SSH1: variants seen among roughly 807,000 people sequenced by gnomAD.
SSH1 encodes the protein slingshot protein phosphatase 1.
SSH1 carries 43 observed loss-of-function variants against 79.7 expected under a neutral mutation model. The observed-to-expected ratio is 0.54, with a 90% confidence interval of 0.42 to 0.70. The LOEUF is 0.70. SSH1 is among the 30% of genes least tolerant of loss of function. The probability of loss-of-function intolerance (pLI) is 0.00; values close to 1 mark genes in which losing one functional copy is unlikely to be tolerated. For synonymous variants in SSH1, 599 were observed against 538.3 expected, an observed-to-expected ratio of 1.11 and a Z score of -1.56; for missense variants, 1,206 against 1,358.8, an observed-to-expected ratio of 0.89 and a Z score of 1.77.
chr12:108,792,811 C>T lies in SSH1; in HGVS notation c.1368G>A (p.Lys456=). Residue 456 remains lysine, a synonymous_variant, in exon 14 of 15, where the codon AAG becomes AAA. Transcript: ENST00000326495. ...ILDASKQRHN[K]LWRQQTDSSL... ...TGCTGTCTGTCTGCTGACGCCACAG[C>T]TTGTTGTGCCGCTGTTTGCTGCGGG... is the stretch of plus-strand genomic sequence containing the variant. 1 of 1,613,644 alleles carries T rather than the reference C, an allele frequency of 6.2e-7. No individual in the cohort carries two copies. The highest frequency in any genetic ancestry group is 8.5e-7 in the Non-Finnish European group (1 of 1,180,028).
rs375673898 is a variant in SSH1 at position 108,788,007 on chromosome 12, G to A, written c.3131C>T (p.Ser1044Leu). The change falls in exon 15 of 15, where the codon TCG becomes TTG. Residue 1044 changes from serine to leucine, a missense_variant. Ser to Leu is a moderately radical substitution (Grantham distance 145). Around this residue, in one of 5 missense-constraint regions of SSH1, gnomAD observed 709 missense variants for 730.6 expected, o/e 0.97. Transcript: ENST00000326495. ...KPAPENLKSP[S>L]WMSKS Reference sequence around the variant, plus strand: ...GGCGGGTCAGCTTTTGCTCATCCACGAAGGGCTCTTTAAGTTTTCTGGGGC... The same window carrying A: ...GGCGGGTCAGCTTTTGCTCATCCACAAAGGGCTCTTTAAGTTTTCTGGGGC... The A allele has an allele frequency of 1.7e-5, 28 of 1,614,014 alleles. No individual in the cohort carries two copies. The highest frequency in any genetic ancestry group is 9.3e-5 in the African/African-American group (7 of 74,894).
intron 2 of SSH1, among the ~76,000 whole-genome samples, chr12:108,835,139 C>A (rs2038568977): frequency 6.6e-6 from 1 of 152,188 alleles, no homozygotes; most frequent in Non-Finnish European, 1.5e-5. Context: ...GTCTCAGGAT[C>A]CCTCTCAGTG....
Position 108,784,777 on chromosome 12 carries a change from A to G in SSH1, c.*3211T>C, listed in dbSNP as rs2036226055. The G allele has an allele frequency of 6.6e-6, 1 of 152,218 alleles. No individual in the cohort carries two copies. The highest frequency in any genetic ancestry group is 1.9e-4 in the East Asian group (1 of 5,202). The allele number at this position is 152,218 out of a possible 1,614,324, so 9.4% of individuals were successfully genotyped here. A position where few individuals can be genotyped will look rare whatever the true frequency, so the allele number is the denominator to read the frequency against. On this transcript the variant is annotated 3_prime_UTR_variant, in exon 15 of 15. Coordinates refer to ENST00000326495, the MANE Select transcript of SSH1 (RefSeq NM_018984.4). ...GTCTAACTTTTGGCATGCCACATGA[A>G]TTAATGTGAGGCAGAAGATAAGATT...
intron 8 of SSH1, 53 bp from the exon 9 acceptor site, chr12:108,806,447 G>T: frequency 4.6e-6 from 7 of 1,526,996 alleles, no homozygotes; most frequent in Non-Finnish European, 6.4e-6. Context: ...GCTTGTGGTC[G>T]GAGGTTACAG....
chr12:108,848,274 C>T (rs2038945387), intron 2 of SSH1, among the ~76,000 whole-genome samples: 1 of 152,006 alleles, frequency 6.6e-6, no homozygotes, highest in Admixed American at 6.5e-5. Context: ...GCAGGTGGCT[C>T]GGAAGACCCG....
rs2036384109 is a variant in SSH1 at position 108,788,919 on chromosome 12, A to C, written c.2219T>G (p.Leu740Arg). The change falls in exon 15 of 15, where the codon CTT (leucine) becomes CGT (arginine). Residue 740 changes from leucine to arginine, a missense_variant. This residue lies in a region of SSH1 where 709 missense variants were observed against 730.6 expected (regional missense o/e 0.97). Transcript: ENST00000326495. ...TGGGGTCTCTCTGGAAGGTTCCAAA[A>C]GGCTGGCTGGTGGCTCTAGGGCAGC... ...AGAALEPPAS[L>R]LEPSRETPKV... is the part of the protein sequence containing the mutation. 1 of 1,614,094 alleles carries C rather than the reference A, an allele frequency of 6.2e-7. No homozygotes were observed. Among genetic ancestry groups the C allele is most frequent in the Non-Finnish European group, 8.5e-7 (1 of 1,180,052 alleles).
At position 108,857,527 on chromosome 12, in the gene SSH1, C is replaced by A. The variant is rs996225260; in HGVS notation, c.-31G>T. ...CGGCGCGGTGCGAGGGCGCCACAGA[C>A]GTCTCGAGCTAGAGCCGCCACCGCC... is the stretch of plus-strand genomic sequence containing the variant. On this transcript the variant is annotated 5_prime_UTR_variant, in exon 1 of 15. Transcript: ENST00000326495. The surrounding 1 kb of genome is among the most constrained non-coding windows in gnomAD (Gnocchi z 4.7). 3.6e-6 allele frequency: 4 copies of A among 1,107,952 alleles called. No individual in the cohort carries two copies. Among genetic ancestry groups the A allele is most frequent in the Non-Finnish European group, 4.5e-6 (4 of 892,404 alleles). 68.6% of individuals were successfully genotyped at this position (1,107,952 alleles called of 1,614,324 possible).
intron 5 of SSH1, among the ~76,000 whole-genome samples, chr12:108,816,395 A>C (rs2037887136): frequency 6.6e-6 from 1 of 152,268 alleles, no homozygotes; most frequent in Admixed American, 6.5e-5. Flanking sequence ...TAGTTTTAAC[A>C]AATCCAGGTT....
At chr12:108,808,922 G>C (rs1269908818) in intron 7 of SSH1, among the ~76,000 whole-genome samples, 1 of 139,124 alleles carries the variant, frequency 7.2e-6, no homozygotes, top group Non-Finnish European at 1.5e-5. Context: ...CAACCTCCAT[G>C]TCCTGGGTTC....
chr12:108,794,050 C>T (rs902787685), intron 13 of SSH1, among the ~76,000 whole-genome samples: 1 of 152,238 alleles, frequency 6.6e-6, no homozygotes, highest in African/African-American at 2.4e-5. Flanking sequence ...CTGTCCAGCC[C>T]TTCCGACAGT....
intron 2 of SSH1, chr12:108,837,125 G>C (rs1399116608): frequency 2.9e-6 from 1 of 342,478 alleles, no homozygotes; most frequent in South Asian, 2.1e-5. Context: ...CCAGCTACTT[G>C]GGGCGCTAAG....
At chr12:108,795,081 T>C (rs1347124376) in intron 13 of SSH1, among the ~76,000 whole-genome samples, 1 of 152,142 alleles carries the variant, frequency 6.6e-6, no homozygotes. Flanking sequence ...CCCTTAAAAT[T>C]TGAAGCCCTC....
chr12:108,828,890 G>T (rs764251800), intron 2 of SSH1, among the ~76,000 whole-genome samples: 1 of 152,208 alleles, frequency 6.6e-6, no homozygotes, highest in Non-Finnish European at 1.5e-5. Context: ...ACTTAGCTAC[G>T]CCACGTCATT....
intron 5 of SSH1, among the ~76,000 whole-genome samples, chr12:108,815,153 C>T (rs1215206388): frequency 1.3e-5 from 2 of 152,200 alleles, no homozygotes; most frequent in Non-Finnish European, 2.9e-5. Flanking sequence ...GGCATCTACT[C>T]ATTCAGCAGG....
At position 108,792,841 on chromosome 12, in the gene SSH1, G is replaced by A; in HGVS notation, c.1350-12C>T. On this transcript the variant is annotated splice_polypyrimidine_tract_variant and intron_variant, in intron 13 of 14. Transcript: ENST00000326495. ...TGTGCCGCTGTTTGCTGCGGGGAGA[G>A]AGGGTAGAGGAAGGTGAGGGGAGGA... 2.5e-6 allele frequency: 4 copies of A among 1,612,884 alleles called. No individual in the cohort carries two copies. The South Asian group carries it at 4.4e-5, about 18-fold the overall frequency.
chr12:108,817,234 C>T, intron 4 of SSH1, 75 bp from the exon 5 acceptor site: 1 of 1,593,440 alleles, frequency 6.3e-7, no homozygotes. Flanking sequence ...AATGCAAGAT[C>T]AACACTTTCA....
At chr12:108,827,136 T>G (rs1202678799) in intron 2 of SSH1, 2 of 860,092 alleles carry the variant, frequency 2.3e-6, no homozygotes, top group Non-Finnish European at 3.5e-6. Flanking sequence ...TCCAAAGCAT[T>G]GAAGACAGAC....
chr12:108,799,586 G>A (rs1333380378), intron 12 of SSH1, among the ~76,000 whole-genome samples: 2 of 152,174 alleles, frequency 1.3e-5, no homozygotes, highest in Non-Finnish European at 2.9e-5. Flanking sequence ...GGCAGCTAAC[G>A]GGATTTCTGC....
Position 108,788,156 on chromosome 12 carries a change from A to C in SSH1, c.2982T>G (p.Ser994Arg), listed in dbSNP as rs61739302. 2.2e-4 allele frequency: 356 copies of C among 1,613,926 alleles called. No homozygotes were observed. The African/African-American group carries it at 4.3e-3, about 20-fold the overall frequency. Residue 994 changes from serine to arginine, a missense_variant, in exon 15 of 15, where the codon AGT becomes AGG. Transcript: ENST00000326495. ...CAGCGACGGTGGACGGGTCAGCCTC[A>C]CTGGACAGGTCTTCCGTTGAGAAGG... ...SLTFSTEDLSSEADPSTVADS... is the reference protein window; with the variant it reads ...SLTFSTEDLSREADPSTVADS...
Sources: gnomAD v4.1 joint callset for allele counts (sites outside exome capture counted in the v4.1 genomes callset) on GRCh38, gnomAD v4.1.1 for gene constraint, gnomAD v4.1.1 regional missense constraint, Gnocchi (gnomAD v3.1) non-coding constraint, MANE v1.5 for transcripts, NCBI Gene and HGNC (gene_info 2026-07-23, HGNC 2026-07-21) for gene names.